Variants in RANBP9 observed in about 807,000 individuals in gnomAD.
RANBP9 encodes the protein RAN binding protein 9.
Under a neutral mutation model 84.3 loss-of-function variants are expected in RANBP9, and 15 were observed. The ratio of observed to expected loss-of-function variants is 0.18; its 90% CI spans 0.12 to 0.27. The LOEUF is 0.27. Ranked by LOEUF, RANBP9 falls within the 10% of genes least tolerant of loss-of-function variation. The pLI, the probability that RANBP9 is intolerant of heterozygous loss-of-function variation, is 1.00. For missense variants in RANBP9, 809 were observed against 912.8 expected (o/e 0.89, Z 1.46); for synonymous variants, 392 against 349.6 (o/e 1.12, Z -1.35).
chr6:13,622,516 G>A, intron 13 of RANBP9, 24 bp from the exon 14 acceptor site: 3 of 1,542,710 alleles, frequency 1.9e-6, no homozygotes, highest in East Asian at 2.3e-5. Context: ...ATTTAAAAAT[G>A]AGAACAGCAA....
At chr6:13,632,703 T>G in intron 11 of RANBP9, 182 bp from the exon 12 acceptor site, 1 of 612,878 alleles carries the variant, frequency 1.6e-6, no homozygotes, top group South Asian at 2.1e-5. Flanking sequence ...TATACTTTAT[T>G]TAGCTCTCAA....
intron 7 of RANBP9, among the ~76,000 whole-genome samples, chr6:13,642,244 A>G (rs1765083316): frequency 6.6e-6 from 1 of 152,174 alleles, no homozygotes; most frequent in Non-Finnish European, 1.5e-5. Flanking sequence ...AATGGTAAAG[A>G]CATTCCTTCA....
intron 5 of RANBP9, among the ~76,000 whole-genome samples, chr6:13,650,808 C>G (rs1765279231): frequency 6.6e-6 from 1 of 152,016 alleles, no homozygotes; most frequent in South Asian, 2.1e-4. Flanking sequence ...ACCAAAAATA[C>G]AAAAAATCAG....
chr6:13,685,593 C>G (rs917670330), intron 2 of RANBP9, among the ~76,000 whole-genome samples: 3 of 151,392 alleles, frequency 2.0e-5, no homozygotes, highest in South Asian at 4.2e-4. Context: ...CCCAAAAATA[C>G]TAAATAAATC....
At chr6:13,664,384 T>C (rs985947492) in intron 2 of RANBP9, among the ~76,000 whole-genome samples, 1 of 152,094 alleles carries the variant, frequency 6.6e-6, no homozygotes, top group African/African-American at 2.4e-5. Flanking sequence ...TGTCTACGAA[T>C]TGGGCACCTC....
chr6:13,644,431 G>A (rs1465436064), intron 6 of RANBP9, 114 bp downstream of exon 6: 1 of 974,066 alleles, frequency 1.0e-6, no homozygotes, highest in Non-Finnish European at 1.5e-6. Flanking sequence ...TAATATAATA[G>A]ATATGTCAGT....
intron 7 of RANBP9, 28 bp from the exon 8 acceptor site, chr6:13,641,335 A>T: frequency 7.2e-7 from 1 of 1,397,888 alleles, no homozygotes; most frequent in Admixed American, 1.9e-5. Context: ...GCAAACGATT[A>T]ACTTTTACAA....
At chr6:13,688,075 C>G (rs928530749) in intron 2 of RANBP9, among the ~76,000 whole-genome samples, 1 of 152,196 alleles carries the variant, frequency 6.6e-6, no homozygotes, top group South Asian at 2.1e-4. Context: ...TTGCTTCACA[C>G]CAGGTACTCT....
rs1008537817 is a variant in RANBP9, at chr6:13,711,718, T to C, written c.-213A>G. 1.4e-5 allele frequency among the ~76,000 whole-genome samples: 2 copies of C among 147,412 alleles called. No homozygotes were observed. Among genetic ancestry groups the C allele is most frequent in the Non-Finnish European group, 3.0e-5 (2 of 66,588 alleles). ...GGGCCCGGGAGGCCGGGAGAGAACG[T>C]TGGCCGGAGCGCGGGCGCGCGGCCC... On this transcript the variant is annotated 5_prime_UTR_variant, in exon 1 of 14. Transcript: ENST00000011619.
At chr6:13,659,501 G>A (rs1341272702) in intron 2 of RANBP9, among the ~76,000 whole-genome samples, 3 of 152,038 alleles carry the variant, frequency 2.0e-5, no homozygotes, top group Non-Finnish European at 4.4e-5. Context: ...GATTATTAAG[G>A]TATTCAATTA....
intron 2 of RANBP9, among the ~76,000 whole-genome samples, chr6:13,666,850 G>A (rs1039484011): frequency 2.0e-5 from 3 of 152,036 alleles, no homozygotes; most frequent in Non-Finnish European, 2.9e-5. Context: ...TTATGCCTGG[G>A]AAATGGGTGT....
chr6:13,702,322 A>C (rs1251464450), intron 1 of RANBP9, among the ~76,000 whole-genome samples: 2 of 152,150 alleles, frequency 1.3e-5, no homozygotes, highest in African/African-American at 2.4e-5. Flanking sequence ...GGGTGTGTGT[A>C]ATCTCAGCTA....
chr6:13,644,414 A>C, intron 6 of RANBP9, 131 bp downstream of exon 6: 1 of 876,628 alleles, frequency 1.1e-6, no homozygotes, highest in Non-Finnish European at 1.6e-6. Context: ...TGAGAGATTA[A>C]AATCAATAAT....
chr6:13,647,536 T>C (rs141402689), intron 5 of RANBP9, among the ~76,000 whole-genome samples: 79 of 152,270 alleles, frequency 5.2e-4, no homozygotes, highest in African/African-American at 1.8e-3. Context: ...TAACATATTG[T>C]ATATGGTATG....
rs555084622 is a variant in RANBP9, at chr6:13,677,632, G to C, written c.684-18800C>G. Among the ~76,000 whole-genome samples the C allele has an allele frequency of 5.3e-4, 80 of 152,038 alleles. No individual in the cohort carries two copies. In the South Asian group the frequency reaches 0.016, roughly 31 times the overall value. On this transcript the variant is annotated intron_variant, in intron 2 of 13. Coordinates refer to ENST00000011619, the MANE Select transcript of RANBP9 (RefSeq NM_005493.3). ...TATCTATTTATATTAAGAAACTCAGGGCACTTGTCTATAATTCACAAGTTA... is the reference window on the plus strand; with the variant it reads ...TATCTATTTATATTAAGAAACTCAGCGCACTTGTCTATAATTCACAAGTTA...
In RANBP9 at chr6:13,677,411, G is replaced by A. The variant is rs1445550267; in HGVS notation, c.684-18579C>T. Among the ~76,000 whole-genome samples the A allele has an allele frequency of 2.0e-5, 3 of 152,152 alleles. No homozygotes were observed. In the East Asian group the frequency reaches 5.8e-4, roughly 29 times the overall value. ...AGGAAGACTCAAATTTTAAAATTTCGAATTCTGAATAGTTTATTCATGTAT... is the reference window on the plus strand; with the variant it reads ...AGGAAGACTCAAATTTTAAAATTTCAAATTCTGAATAGTTTATTCATGTAT... On this transcript the variant is annotated intron_variant, in intron 2 of 13. Transcript: ENST00000011619.
chr6:13,654,187 A>G (rs1012725610), intron 4 of RANBP9, among the ~76,000 whole-genome samples: 2 of 152,156 alleles, frequency 1.3e-5, no homozygotes, highest in Non-Finnish European at 2.9e-5. Context: ...AGCCAAATAT[A>G]GTTACCACAA....
chr6:13,699,288 A>G (rs1264890934), intron 1 of RANBP9, among the ~76,000 whole-genome samples: 2 of 152,240 alleles, frequency 1.3e-5, no homozygotes, highest in Non-Finnish European at 2.9e-5. Flanking sequence ...AGGATTCACT[A>G]ATTGCAGATA....
chr6:13,692,287 G>A (rs1224763533), intron 2 of RANBP9, among the ~76,000 whole-genome samples: 2 of 152,018 alleles, frequency 1.3e-5, no homozygotes, highest in Non-Finnish European at 2.9e-5. Flanking sequence ...TATAATCCCA[G>A]CACTTTGGGA....
Sources: gnomAD v4.1 joint callset for allele counts (sites outside exome capture counted in the v4.1 genomes callset) on GRCh38, gnomAD v4.1.1 for gene constraint, MANE v1.5 for transcripts, NCBI Gene and HGNC (gene_info 2026-07-23, HGNC 2026-07-21) for gene names.